Variants in ANO3 observed in about 807,000 individuals in gnomAD.
ANO3 encodes the protein anoctamin-3.
ANO3 carries 99 observed loss-of-function variants against 144.8 expected under a neutral mutation model. The ratio of observed to expected loss-of-function variants is 0.68; its 90% CI spans 0.58 to 0.81. The LOEUF is 0.81. Among genes scored for constraint, ANO3 ranks in the 30% least tolerant of loss-of-function variants. The pLI is 0.00. For missense variants in ANO3, 905 were observed against 1,202.2 expected (o/e 0.75, Z 3.66); for synonymous variants, 414 against 392.6 (o/e 1.05, Z -0.64).
At chr11:26,455,234 CAGG>C (rs1310174543) in intron 3 of ANO3, among the ~76,000 whole-genome samples, 2 of 149,956 alleles carry the variant, frequency 1.3e-5, no homozygotes, top group South Asian at 2.2e-4. Context: ...GGCAATTAGG[CAGG>C]AGAAGGAAAT....
chr11:26,330,103 C>T (rs1249528434), upstream of ANO3, among the ~76,000 whole-genome samples: 1 of 152,114 alleles, frequency 6.6e-6, no homozygotes, highest in African/African-American at 2.4e-5. Context: ...ATGAGATCTA[C>T]AGGGGTCATA....
At chr11:26,574,423 T>A (rs1850935070) in intron 14 of ANO3, among the ~76,000 whole-genome samples, 1 of 152,178 alleles carries the variant, frequency 6.6e-6, no homozygotes, top group African/African-American at 2.4e-5. Context: ...TGATGTCACA[T>A]GTAGGGAATT....
At chr11:26,500,782 A>G (rs995880502) in intron 4 of ANO3, among the ~76,000 whole-genome samples, 4 of 147,916 alleles carry the variant, frequency 2.7e-5, no homozygotes, top group African/African-American at 7.4e-5. Context: ...TATTTTGCAG[A>G]AAAAAAAAAC....
chr11:26,236,738 A>AACC (rs1175947035), intron 1 of ANO3, among the ~76,000 whole-genome samples: 3 of 150,702 alleles, frequency 2.0e-5, no homozygotes, highest in Admixed American at 6.6e-5. Flanking sequence ...GAATGGCGTG[A>AACC]ACCTGGGAGG....
chr11:26,559,926 C>T, intron 14 of ANO3, 147 bp downstream of exon 14: 1 of 615,186 alleles, frequency 1.6e-6, no homozygotes, highest in Non-Finnish European at 2.9e-6. Flanking sequence ...GATTTGTTTG[C>T]TCTCTTCATA....
At chr11:26,649,736 C>CAA (rs201783585) in intron 24 of ANO3, among the ~76,000 whole-genome samples, 1 of 143,602 alleles carries the variant, frequency 7.0e-6, no homozygotes, top group African/African-American at 2.5e-5. Flanking sequence ...AATTTCGTCT[C>CAA]AAAAAAAAAA....
intron 1 of ANO3, among the ~76,000 whole-genome samples, chr11:26,383,320 G>T (rs545086566): frequency 3.6e-4 from 54 of 151,886 alleles, no homozygotes; most frequent in African/African-American, 1.2e-3. Context: ...CTAATATCCT[G>T]TAAAAGTATT....
intron 14 of ANO3, among the ~76,000 whole-genome samples, chr11:26,591,720 A>G (rs147531220): frequency 6.6e-6 from 1 of 152,260 alleles, no homozygotes; most frequent in East Asian, 1.9e-4. Context: ...AAAATGTGAC[A>G]AAGGAGGGCC....
At chr11:26,472,541 G>A (rs376586967) in intron 4 of ANO3, among the ~76,000 whole-genome samples, 60 of 151,872 alleles carry the variant, frequency 4.0e-4, no homozygotes, top group African/African-American at 9.7e-4. Context: ...TACACTGCAC[G>A]TAATGGAGGT....
chr11:26,463,825 C>A (rs1859502509), intron 4 of ANO3, among the ~76,000 whole-genome samples: 1 of 151,732 alleles, frequency 6.6e-6, no homozygotes, highest in Admixed American at 6.6e-5. Flanking sequence ...TTCTTTTCAT[C>A]ATTGCAAATG....
chr11:26,464,020 A>G (rs910831988), intron 4 of ANO3, among the ~76,000 whole-genome samples: 2 of 151,870 alleles, frequency 1.3e-5, no homozygotes, highest in Admixed American at 6.6e-5. Context: ...TGCATGGCTA[A>G]TAATCACATT....
At chr11:26,444,665 TAA>T (rs1203270226) in intron 3 of ANO3, among the ~76,000 whole-genome samples, 2 of 152,204 alleles carry the variant, frequency 1.3e-5, no homozygotes, top group African/African-American at 2.4e-5. Context: ...AACTGCCCAG[TAA>T]ACATTTAATA....
At chr11:26,657,650 C>A (rs1853731881) in intron 26 of ANO3, among the ~76,000 whole-genome samples, 1 of 151,014 alleles carries the variant, frequency 6.6e-6, no homozygotes, top group Non-Finnish European at 1.5e-5. Context: ...AATTCTTCCA[C>A]ATATTTACTT....
chr11:26,260,383 T>C (rs1853159367), intron 1 of ANO3, among the ~76,000 whole-genome samples: 1 of 152,188 alleles, frequency 6.6e-6, no homozygotes, highest in Admixed American at 6.5e-5. Context: ...TTTTTACAAG[T>C]GAAGACATTG....
At chr11:26,639,396 A>C (rs1285763166) in intron 21 of ANO3, among the ~76,000 whole-genome samples, 155 bp downstream of exon 21, 1 of 152,204 alleles carries the variant, frequency 6.6e-6, no homozygotes, top group Non-Finnish European at 1.5e-5. Flanking sequence ...CCATGTGTAA[A>C]TTAAACCTTT....
At chr11:26,227,083 G>A (rs1852272134) in intron 1 of ANO3, among the ~76,000 whole-genome samples, 1 of 151,996 alleles carries the variant, frequency 6.6e-6, no homozygotes, top group African/African-American at 2.4e-5. Context: ...TTTTCACTTA[G>A]CACAATGTCT....
At chr11:26,500,814 C>T (rs1200454379) in intron 4 of ANO3, among the ~76,000 whole-genome samples, 2 of 151,354 alleles carry the variant, frequency 1.3e-5, no homozygotes, top group African/African-American at 2.4e-5. Flanking sequence ...GAAAAACACC[C>T]GGTTTTGCTC....
chr11:26,296,246 A>T lies in ANO3; in HGVS notation c.155-13399A>T, dbSNP rs534053667. On this transcript the variant is annotated intron_variant, in intron 1 of 27. Transcript: ENST00000672621. ...TCTCATTATATAAATGAGTTTATTA[A>T]AACCCTACTGCCTTAGGCAAGTTGG... Among the ~76,000 whole-genome samples the T allele has an allele frequency of 7.9e-5, 12 of 152,320 alleles. No homozygotes were observed. In the East Asian group the frequency reaches 2.3e-3, roughly 29 times the overall value.
intron 1 of ANO3, among the ~76,000 whole-genome samples, chr11:26,418,760 C>T (rs1857666711): frequency 6.6e-6 from 1 of 151,974 alleles, no homozygotes; most frequent in Non-Finnish European, 1.5e-5. Flanking sequence ...TTGTGTCCTT[C>T]AAGCTTATAT....
Sources: allele counts gnomAD v4.1 joint callset (sites outside exome capture counted in the v4.1 genomes callset), GRCh38; gene constraint gnomAD v4.1.1; transcripts MANE v1.5; gene names NCBI Gene and HGNC (gene_info 2026-07-23, HGNC 2026-07-21).